The following RASSF8 variants were observed in gnomAD, a reference collection of about 807,000 sequenced individuals.
The protein encoded by RASSF8 is ras association domain-containing protein 8.
In RASSF8, 22 loss-of-function variants were observed where a neutral mutation model predicts 48.5. That is an observed-to-expected ratio of 0.45 (90% CI 0.32 to 0.65). The LOEUF is 0.65. Ranked by LOEUF, RASSF8 falls within the 30% of genes least tolerant of loss-of-function variation. The pLI is 0.03. For missense variants in RASSF8, 418 were observed against 489.2 expected (o/e 0.85, Z 1.37); for synonymous variants, 127 against 171.5 (o/e 0.74, Z 2.03).
In RASSF8 at chr12:26,069,693, A is replaced by G. The variant is rs1943960036; in HGVS notation, c.*875A>G. The G allele has an allele frequency of 4.1e-6, 4 of 985,474 alleles. No homozygotes were observed. In the South Asian group the frequency reaches 1.4e-4, roughly 35 times the overall value. 61.0% of individuals were successfully genotyped at this position (985,474 alleles called of 1,614,324 possible). A position where few individuals can be genotyped will look rare whatever the true frequency, so the allele number is the denominator to read the frequency against. On this transcript the variant is annotated 3_prime_UTR_variant, in exon 6 of 6. Coordinates refer to ENST00000689635, the MANE Select transcript of RASSF8 (RefSeq NM_001394098.1). ...TTAATCTAACATGGAAGTTATAGATACCTGAAAGCTGGGTTGGTCTACTTC... is the reference window on the plus strand; with the variant it reads ...TTAATCTAACATGGAAGTTATAGATGCCTGAAAGCTGGGTTGGTCTACTTC...
Position 26,064,762 on chromosome 12 carries a change from G to T in RASSF8, c.368G>T (p.Arg123Met), listed in dbSNP as rs1377752880. ...CAGATTGACAAATCAATCAAAAGGA[G>T]GGAACCGAAAAGGAAATCACTGACA... ...RPQIDKSIKR[R>M]EPKRKSLTFT... Residue 123 changes from arginine to methionine, a missense_variant, in exon 4 of 6, where the codon AGG becomes ATG. Physicochemically the swap from Arg to Met is moderately conservative, Grantham distance 91. Coordinates refer to ENST00000689635, the MANE Select transcript of RASSF8 (RefSeq NM_001394098.1). 3.7e-6 allele frequency: 6 copies of T among 1,614,122 alleles called. No individual in the cohort carries two copies. The highest frequency in any genetic ancestry group is 5.1e-6 in the Non-Finnish European group (6 of 1,180,022).
At chr12:26,042,867 G>A (rs1943295292) in intron 2 of RASSF8, among the ~76,000 whole-genome samples, 1 of 152,144 alleles carries the variant, frequency 6.6e-6, no homozygotes. Context: ...TTAGTGGTAA[G>A]ATTTATTTCA....
chr12:26,049,551 C>T (rs1238051501), intron 2 of RASSF8, among the ~76,000 whole-genome samples: 2 of 152,124 alleles, frequency 1.3e-5, no homozygotes, highest in African/African-American at 4.8e-5. Context: ...GTTTTATGCA[C>T]CGTTGATTAA....
intron 1 of RASSF8, among the ~76,000 whole-genome samples, chr12:25,987,921 G>A (rs1941924899): frequency 1.3e-5 from 2 of 151,748 alleles, no homozygotes; most frequent in East Asian, 1.9e-4. Context: ...GCGTGATCTC[G>A]TCTCACTGCA....
chr12:25,966,265 A>G (rs754543268), intron 1 of RASSF8, among the ~76,000 whole-genome samples: 83 of 151,956 alleles, frequency 5.5e-4, no homozygotes, highest in Admixed American at 1.4e-3. Context: ...TATTTTTTTA[A>G]TTTTAAAGAC....
rs1943832930 is a variant in RASSF8 at position 26,064,894 on chromosome 12, A to G, written c.500A>G (p.Lys167Arg). 6.2e-7 allele frequency: 1 copy of G among 1,614,128 alleles called. No homozygotes were observed. The highest frequency in any genetic ancestry group is 8.5e-7 in the Non-Finnish European group (1 of 1,180,048). Residue 167 changes from lysine to arginine, a missense_variant, in exon 4 of 6, where the codon AAG becomes AGG. Coordinates refer to ENST00000689635, the MANE Select transcript of RASSF8 (RefSeq NM_001394098.1). ...TGCAAAACAACAGCAGATGAGTTGA[A>G]GAAGCTAATCCGTCTGCAGACAGAG... ...NNCKTTADEL[K>R]KLIRLQTEKL...
At chr12:25,984,384 C>G (rs1941822284) in intron 1 of RASSF8, among the ~76,000 whole-genome samples, 1 of 151,944 alleles carries the variant, frequency 6.6e-6, no homozygotes, top group Non-Finnish European at 1.5e-5. Context: ...GCTCTGTCAC[C>G]CAGGCTGCAG....
intron 1 of RASSF8, among the ~76,000 whole-genome samples, chr12:25,978,602 T>C (rs1941664749): frequency 6.6e-6 from 1 of 152,180 alleles, no homozygotes; most frequent in Non-Finnish European, 1.5e-5. Context: ...TCTTTGGGAC[T>C]CAGGGCTTTA....
Position 26,069,552 on chromosome 12 carries a change from C to T in RASSF8, c.*734C>T, listed in dbSNP as rs1299232620. On this transcript the variant is annotated 3_prime_UTR_variant, in exon 6 of 6. Coordinates refer to ENST00000689635, the MANE Select transcript of RASSF8 (RefSeq NM_001394098.1). ...TAAAACATTTGCAGTGTTTCAGACA[C>T]TGTTGAACAAAAATGTAATTGGTAA... 1 of 985,304 alleles carries T rather than the reference C, an allele frequency of 1.0e-6. No individual in the cohort carries two copies. Among genetic ancestry groups the T allele is most frequent in the African/African-American group, 1.7e-5 (1 of 57,240 alleles). 61.0% of individuals were successfully genotyped at this position (985,304 alleles called of 1,614,324 possible). A position where few individuals can be genotyped will look rare whatever the true frequency, so the allele number is the denominator to read the frequency against.
chr12:25,965,320 A>G (rs1218402147), intron 1 of RASSF8, among the ~76,000 whole-genome samples: 1 of 150,074 alleles, frequency 6.7e-6, no homozygotes, highest in Non-Finnish European at 1.5e-5. Flanking sequence ...GATTTGATCT[A>G]TGTATACACA....
At chr12:26,013,537 C>G (rs1314204351) in intron 2 of RASSF8, among the ~76,000 whole-genome samples, 2 of 152,102 alleles carry the variant, frequency 1.3e-5, no homozygotes, top group African/African-American at 4.8e-5. Flanking sequence ...GTAATAACAC[C>G]TGGAGTAGTA....
At position 26,069,072 on chromosome 12, in the gene RASSF8, A is replaced by G. The variant is rs1943945650; in HGVS notation, c.*254A>G. 1 of 1,145,130 alleles carries G rather than the reference A, an allele frequency of 8.7e-7. No individual in the cohort carries two copies. Among genetic ancestry groups the G allele is most frequent in the African/African-American group, 1.6e-5 (1 of 62,482 alleles). The allele number at this position is 1,145,130 out of a possible 1,614,324, so 70.9% of individuals were successfully genotyped here. A position where few individuals can be genotyped will look rare whatever the true frequency, so the allele number is the denominator to read the frequency against. On this transcript the variant is annotated 3_prime_UTR_variant, in exon 6 of 6. Transcript: ENST00000689635. ...ATGCAAAGCCTTCGTTTTTATTTGTAGCATTTTGAGAGCTTTAGGAAAGTA... is the reference window on the plus strand; with the variant it reads ...ATGCAAAGCCTTCGTTTTTATTTGTGGCATTTTGAGAGCTTTAGGAAAGTA...
chr12:26,074,031 A>G (rs1323576921), downstream of RASSF8, among the ~76,000 whole-genome samples: 1 of 152,126 alleles, frequency 6.6e-6, no homozygotes, highest in African/African-American at 2.4e-5. Flanking sequence ...ATAAAAGCAA[A>G]GATGAAATGA....
At chr12:25,982,774 G>A (rs763757263) in intron 1 of RASSF8, among the ~76,000 whole-genome samples, 1 of 152,228 alleles carries the variant, frequency 6.6e-6, no homozygotes, top group Non-Finnish European at 1.5e-5. Flanking sequence ...TACTTTCATA[G>A]TGTATTGTAG....
chr12:25,987,203 G>A (rs1177288623), intron 1 of RASSF8, among the ~76,000 whole-genome samples: 1 of 152,134 alleles, frequency 6.6e-6, no homozygotes, highest in African/African-American at 2.4e-5. Flanking sequence ...CAAAGTGCTG[G>A]GATTACAGGC....
chr12:25,965,494 T>C (rs1248790320), intron 1 of RASSF8, among the ~76,000 whole-genome samples: 1 of 151,882 alleles, frequency 6.6e-6, no homozygotes, highest in Non-Finnish European at 1.5e-5. Context: ...CCCGAGTAGC[T>C]GGGACTACAG....
chr12:25,986,618 C>T (rs1941882057), intron 1 of RASSF8, among the ~76,000 whole-genome samples: 1 of 152,166 alleles, frequency 6.6e-6, no homozygotes, highest in Non-Finnish European at 1.5e-5. Context: ...TCTTAGAGCA[C>T]CTCTTTCAGC....
intron 1 of RASSF8, among the ~76,000 whole-genome samples, chr12:25,988,519 T>C (rs1213280034): frequency 6.6e-6 from 1 of 152,166 alleles, no homozygotes; most frequent in South Asian, 2.1e-4. Context: ...TTGGGATTCG[T>C]TTCTGTTAGT....
At chr12:26,067,052 G>C (rs937785495) in intron 4 of RASSF8, among the ~76,000 whole-genome samples, 8 of 152,140 alleles carry the variant, frequency 5.3e-5, no homozygotes, top group African/African-American at 1.7e-4. Context: ...AATTGAAACA[G>C]CTTACAAAAA....
Sources: allele counts gnomAD v4.1 joint callset (sites outside exome capture counted in the v4.1 genomes callset), GRCh38; gene constraint gnomAD v4.1.1; transcripts MANE v1.5; gene names NCBI Gene and HGNC (gene_info 2026-07-23, HGNC 2026-07-21).